The following HTR1F variants were observed in gnomAD, a reference collection of about 807,000 sequenced individuals.
HTR1F encodes the protein 5-hydroxytryptamine receptor 1F.
In HTR1F, 17 loss-of-function variants were observed where a neutral mutation model predicts 24.0. The ratio of observed to expected loss-of-function variants is 0.71; its 90% CI spans 0.48 to 1.06. The LOEUF (loss-of-function observed/expected upper bound fraction) is 1.06. HTR1F is among the 50% of genes least tolerant of loss of function. The pLI is 0.00. For missense variants in HTR1F, 391 were observed against 427.8 expected (o/e 0.91, Z 0.76); for synonymous variants, 186 against 156.8 (o/e 1.19, Z -1.39).
intron 1 of HTR1F, among the ~76,000 whole-genome samples, chr3:87,795,264 G>A (rs56125632): frequency 0.29 from 44,465 of 152,092 alleles, 6,671 homozygotes; most frequent in East Asian, 0.43. Context: ...GATTACAGGC[G>A]TGAGCCACAG....
At chr3:87,967,482 C>T (rs1363521077) in intron 2 of HTR1F, among the ~76,000 whole-genome samples, 1 of 151,576 alleles carries the variant, frequency 6.6e-6, no homozygotes, top group African/African-American at 2.4e-5. Flanking sequence ...AAAGTGGTAC[C>T]TCAAGGAGTG....
intron 2 of HTR1F, among the ~76,000 whole-genome samples, chr3:87,983,790 A>G (rs1288768737): frequency 6.6e-6 from 1 of 152,134 alleles, no homozygotes; most frequent in Non-Finnish European, 1.5e-5. Context: ...AAAAACATAG[A>G]CCATTTTTAT....
At chr3:87,947,121 A>ATG in intron 2 of HTR1F, among the ~76,000 whole-genome samples, 1 of 152,346 alleles carries the variant, frequency 6.6e-6, no homozygotes, top group East Asian at 1.9e-4. Context: ...AAAAGAAAAC[A>ATG]TTTTAAACTC....
At chr3:87,989,787 C>A (rs1472535380) in intron 2 of HTR1F, among the ~76,000 whole-genome samples, 1 of 152,046 alleles carries the variant, frequency 6.6e-6, no homozygotes, top group Non-Finnish European at 1.5e-5. Flanking sequence ...TGCTATTTTT[C>A]GCAGCCCAAT....
intron 2 of HTR1F, among the ~76,000 whole-genome samples, chr3:87,931,757 G>A (rs1704278379): frequency 6.6e-6 from 1 of 151,140 alleles, no homozygotes; most frequent in African/African-American, 2.4e-5. Context: ...GTGTGAGATG[G>A]TATCTCATAG....
In HTR1F at chr3:87,991,414, A is replaced by G. The variant is rs1350648391; in HGVS notation, c.665A>G (p.Lys222Arg). The change falls in exon 3 of 3, where the codon AAG (lysine) becomes AGG (arginine). Residue 222 changes from lysine (K) to arginine (R), a missense_variant. Coordinates refer to ENST00000319595, the MANE Select transcript of HTR1F (RefSeq NM_001322209.2). ...AAGAGACAAGCAAGTAGGATTGCAA[A>G]GGAGGAGGTGAATGGCCAAGTCCTT... ...YHKRQASRIA[K>R]EEVNGQVLLE... is the part of the protein sequence containing the mutation. The G allele has an allele frequency of 6.2e-7, 1 of 1,614,040 alleles. No individual in the cohort carries two copies. Among genetic ancestry groups the G allele is most frequent in the African/African-American group, 1.3e-5 (1 of 75,044 alleles).
intron 2 of HTR1F, among the ~76,000 whole-genome samples, chr3:87,975,202 T>G (rs1705367576): frequency 6.6e-6 from 1 of 152,034 alleles, no homozygotes; most frequent in Non-Finnish European, 1.5e-5. Context: ...AAATAAGAAC[T>G]TCTTATGTTT....
At chr3:87,882,865 AT>A (rs760706116) in intron 2 of HTR1F, among the ~76,000 whole-genome samples, 2 of 152,160 alleles carry the variant, frequency 1.3e-5, no homozygotes, top group Admixed American at 6.5e-5. Flanking sequence ...TAATAAAAAA[AT>A]AAAAAATAAA....
intron 2 of HTR1F, among the ~76,000 whole-genome samples, chr3:87,950,697 G>C (rs1293715537): frequency 6.6e-6 from 1 of 152,250 alleles, no homozygotes; most frequent in African/African-American, 2.4e-5. Context: ...AAGAGGAAAG[G>C]GGAGCTTTTA....
At chr3:87,907,389 AT>A (rs569262465) in intron 2 of HTR1F, among the ~76,000 whole-genome samples, 1 of 146,630 alleles carries the variant, frequency 6.8e-6, no homozygotes. Context: ...TTTTTTGCTG[AT>A]TTTTTTTAGT....
intron 2 of HTR1F, among the ~76,000 whole-genome samples, chr3:87,891,975 C>T (rs1706096020): frequency 6.6e-6 from 1 of 152,150 alleles, no homozygotes. Context: ...ACTCAAGACA[C>T]ATTTTCACCC....
intron 2 of HTR1F, among the ~76,000 whole-genome samples, chr3:87,903,287 AACT>A (rs1272034867): frequency 6.7e-6 from 1 of 149,094 alleles, no homozygotes; most frequent in African/African-American, 2.5e-5. Flanking sequence ...GATCTAATTA[AACT>A]AAAGAGCTTC....
intron 2 of HTR1F, among the ~76,000 whole-genome samples, chr3:87,927,492 T>C (rs928710259): frequency 2.0e-5 from 3 of 152,166 alleles, no homozygotes; most frequent in African/African-American, 7.2e-5. Context: ...TCAATTGATC[T>C]CTACAGTCAC....
At chr3:87,817,383 A>C (rs1157760570) in intron 1 of HTR1F, among the ~76,000 whole-genome samples, 1 of 152,208 alleles carries the variant, frequency 6.6e-6, no homozygotes, top group Admixed American at 6.5e-5. Flanking sequence ...AATACCATGC[A>C]TCTTTGATAG....
chr3:87,856,465 G>A (rs912992216), intron 2 of HTR1F, among the ~76,000 whole-genome samples: 2 of 152,026 alleles, frequency 1.3e-5, no homozygotes, highest in Non-Finnish European at 2.9e-5. Context: ...TTTAAAAAAT[G>A]AGGAATGTAG....
intron 2 of HTR1F, among the ~76,000 whole-genome samples, chr3:87,844,187 CTGT>C (rs2107185892): frequency 6.6e-6 from 1 of 152,014 alleles, no homozygotes; most frequent in Non-Finnish European, 1.5e-5. Context: ...TCTCCATCAG[CTGT>C]TGTTTCCTGA....
intron 1 of HTR1F, among the ~76,000 whole-genome samples, chr3:87,808,473 T>C (rs1196748229): frequency 1.3e-5 from 2 of 151,792 alleles, no homozygotes; most frequent in Non-Finnish European, 3.0e-5. Context: ...TCTTTTTTTT[T>C]CATATCTGAT....
At chr3:87,837,563 C>T (rs1268554875) in intron 2 of HTR1F, among the ~76,000 whole-genome samples, 1 of 152,032 alleles carries the variant, frequency 6.6e-6, no homozygotes, top group African/African-American at 2.4e-5. Context: ...AAAATCAGGG[C>T]ACCATTACTC....
intron 2 of HTR1F, among the ~76,000 whole-genome samples, chr3:87,916,075 T>A (rs1372843502): frequency 6.6e-6 from 1 of 151,888 alleles, no homozygotes; most frequent in African/African-American, 2.4e-5. Flanking sequence ...ACAAAACAAT[T>A]ATCAGGCAAG....
Sources: gnomAD v4.1 joint callset for allele counts (sites outside exome capture counted in the v4.1 genomes callset) on GRCh38, gnomAD v4.1.1 for gene constraint, MANE v1.5 for transcripts, NCBI Gene and HGNC (gene_info 2026-07-23, HGNC 2026-07-21) for gene names.